Variants in ACOXL observed in about 807,000 individuals in gnomAD.
ACOXL encodes the protein acyl-coenzyme A oxidase-like protein.
A neutral mutation model predicts 71.9 loss-of-function variants in ACOXL; 70 were observed. The observed-to-expected ratio is 0.97, with a 90% CI of 0.80 to 1.19. The LOEUF is 1.19. Ranked by LOEUF, ACOXL falls within the 50% of genes most tolerant of loss-of-function variation. The pLI, the probability that ACOXL is intolerant of heterozygous loss-of-function variation, is 0.00. For missense variants in ACOXL, 703 were observed against 736.3 expected, an observed-to-expected ratio of 0.95 and a Z score of 0.52; for synonymous variants, 253 against 281.6, an observed-to-expected ratio of 0.90 and a Z score of 1.02.
At chr2:110,913,938 G>A (rs1253280108) in intron 11 of ACOXL, among the ~76,000 whole-genome samples, 1 of 152,140 alleles carries the variant, frequency 6.6e-6, no homozygotes, top group East Asian at 1.9e-4. Flanking sequence ...CTCCCACCAT[G>A]TCTCACCTCC....
chr2:110,754,840 G>C (rs968846768), intron 1 of ACOXL, among the ~76,000 whole-genome samples: 1 of 152,180 alleles, frequency 6.6e-6, no homozygotes, highest in Non-Finnish European at 1.5e-5. Flanking sequence ...ATTTCTCCTA[G>C]GGTGTATACC....
chr2:111,069,354 G>A (rs771624336), intron 16 of ACOXL, among the ~76,000 whole-genome samples: 10 of 151,988 alleles, frequency 6.6e-5, no homozygotes, highest in Non-Finnish European at 1.3e-4. Context: ...GTTTCACCAT[G>A]TTGGCCAGGC....
intron 12 of ACOXL, among the ~76,000 whole-genome samples, chr2:110,958,594 G>A (rs1269746907): frequency 6.6e-6 from 1 of 152,242 alleles, no homozygotes; most frequent in Non-Finnish European, 1.5e-5. Flanking sequence ...TGGTACCCTG[G>A]TTAAAGCCAA....
chr2:111,052,455 G>C (rs991689837), intron 16 of ACOXL, among the ~76,000 whole-genome samples: 4 of 152,028 alleles, frequency 2.6e-5, no homozygotes, highest in African/African-American at 9.7e-5. Flanking sequence ...CTGTGACTCA[G>C]TTTCCCATCT....
intron 11 of ACOXL, 109 bp from the exon 12 acceptor site, chr2:110,933,380 A>T: frequency 7.6e-7 from 1 of 1,318,788 alleles, no homozygotes; most frequent in Non-Finnish European, 1.0e-6. Flanking sequence ...CATCACTGAC[A>T]TCATATTCTT....
Position 110,959,434 on chromosome 2 carries a change from A to C in ACOXL, c.1059+25792A>C, listed in dbSNP as rs532135773. Among the ~76,000 whole-genome samples the C allele has an allele frequency of 3.0e-4, 45 of 152,268 alleles. 1 individual carries two copies. The highest frequency in any genetic ancestry group is 1.1e-3 in the African/African-American group (44 of 41,546). ...TTGGGCACCGGCTCAAAGTCCCTTTAAGTGCGAAGTCTTTATTCCTGGTTT... is the reference window on the plus strand; with the variant it reads ...TTGGGCACCGGCTCAAAGTCCCTTTCAGTGCGAAGTCTTTATTCCTGGTTT... On this transcript the variant is annotated intron_variant, in intron 12 of 17. Transcript: ENST00000439055.
chr2:110,851,083 A>G (rs1692543923), intron 10 of ACOXL, among the ~76,000 whole-genome samples: 1 of 152,180 alleles, frequency 6.6e-6, no homozygotes, highest in African/African-American at 2.4e-5. Context: ...ATAGGGAAGA[A>G]AGCAGACCCG....
chr2:110,785,695 G>A (rs1683877648), intron 3 of ACOXL, among the ~76,000 whole-genome samples: 1 of 152,066 alleles, frequency 6.6e-6, no homozygotes, highest in Non-Finnish European at 1.5e-5. Context: ...TTGTTTCCAG[G>A]ATTTTGCTAA....
intron 10 of ACOXL, among the ~76,000 whole-genome samples, chr2:110,892,441 T>C (rs750764104): frequency 2.6e-5 from 4 of 152,146 alleles, no homozygotes; most frequent in Non-Finnish European, 4.4e-5. Flanking sequence ...TGGGCCTTGA[T>C]GACAGATGTG....
rs574836439 is a variant in ACOXL, at chr2:111,055,920, G to A, written c.1440+6632G>A. On this transcript the variant is annotated intron_variant, in intron 16 of 17. Transcript: ENST00000439055. The stretch of plus-strand genomic sequence containing the variant: ...TTTCCCTCCACCTTCTCTTATCCTC[G>A]TAAGCTAGAGCCACACAGAAAGAAG... Among the ~76,000 whole-genome samples the A allele has an allele frequency of 6.5e-4, 99 of 152,238 alleles. 3 individuals are homozygous for A. The South Asian group carries it at 0.02, about 31-fold the overall frequency.
chr2:110,782,423 T>C (rs1683451842), intron 2 of ACOXL, among the ~76,000 whole-genome samples: 1 of 152,254 alleles, frequency 6.6e-6, no homozygotes, highest in South Asian at 2.1e-4. Context: ...GCAGTCATTC[T>C]TATTAAGCTT....
chr2:110,854,855 C>G (rs182485828), intron 10 of ACOXL, among the ~76,000 whole-genome samples: 9 of 152,356 alleles, frequency 5.9e-5, no homozygotes, highest in Non-Finnish European at 1.2e-4. Context: ...GATTACTGCT[C>G]TGCTCAGCCT....
intron 3 of ACOXL, among the ~76,000 whole-genome samples, chr2:110,785,719 G>T (rs920669021): frequency 2.0e-5 from 3 of 152,114 alleles, no homozygotes; most frequent in Non-Finnish European, 4.4e-5. Flanking sequence ...GAAAAGTGCT[G>T]CTGTGAATAC....
intron 2 of ACOXL, among the ~76,000 whole-genome samples, chr2:110,781,433 A>G (rs1201271424): frequency 6.6e-6 from 1 of 151,670 alleles, no homozygotes; most frequent in African/African-American, 2.4e-5. Context: ...TGAGGTCAGG[A>G]GTTTGAGACC....
intron 10 of ACOXL, among the ~76,000 whole-genome samples, chr2:110,886,599 G>A (rs531377401): frequency 2.9e-4 from 44 of 152,052 alleles, no homozygotes; most frequent in African/African-American, 1.0e-3. Flanking sequence ...GGCTGGTCTT[G>A]AATTCCTAAC....
chr2:110,740,521 A>G (rs1365235537), intron 1 of ACOXL, among the ~76,000 whole-genome samples: 2 of 152,240 alleles, frequency 1.3e-5, no homozygotes, highest in East Asian at 1.9e-4. Flanking sequence ...ACATACATAA[A>G]TATCCCAGAC....
chr2:111,117,112 C>A (rs2070411755), intron 17 of ACOXL, among the ~76,000 whole-genome samples: 1 of 152,236 alleles, frequency 6.6e-6, no homozygotes, highest in Non-Finnish European at 1.5e-5. Context: ...ACCGAAGGCG[C>A]TAGTCTGGGG....
intron 4 of ACOXL, 24 bp from the exon 5 acceptor site, chr2:110,794,052 C>G (rs1204265112): frequency 1.2e-6 from 2 of 1,611,132 alleles, no homozygotes; most frequent in East Asian, 4.5e-5. Flanking sequence ...AGCTAATTCC[C>G]TTCTAACATC....
Position 110,803,330 on chromosome 2 carries a change from C to G in ACOXL, c.620+1606C>G, listed in dbSNP as rs541584836. ...ATTTGAATAAGGATAGATATATGTA[C>G]AATGGAATAGAATGAAGAATCTAGA... On this transcript the variant is annotated intron_variant, in intron 8 of 17. Coordinates refer to ENST00000439055, the MANE Select transcript of ACOXL (RefSeq NM_001142807.4). Among the ~76,000 whole-genome samples, 252 of 152,300 alleles carry G rather than the reference C, an allele frequency of 1.7e-3. 2 individuals carry two copies. In the Middle Eastern group the frequency reaches 0.017, roughly 10 times the overall value.
Sources: allele counts gnomAD v4.1 joint callset (sites outside exome capture counted in the v4.1 genomes callset), GRCh38; gene constraint gnomAD v4.1.1; transcripts MANE v1.5; gene names NCBI Gene and HGNC (gene_info 2026-07-23, HGNC 2026-07-21).